The following CREB3L2 variants were observed in gnomAD, a reference collection of about 807,000 sequenced individuals.
The protein encoded by CREB3L2 is cAMP responsive element binding protein 3 like 2.
A neutral mutation model predicts 57.2 loss-of-function variants in CREB3L2; 23 were observed. The observed-to-expected ratio is 0.40, with a 90% CI of 0.29 to 0.57. CREB3L2 has a LOEUF of 0.57. CREB3L2 is among the 20% of genes least tolerant of loss of function. CREB3L2 has a pLI of 0.42. For missense variants in CREB3L2, 628 were observed against 634.7 expected, an observed-to-expected ratio of 0.99 and a Z score of 0.11; for synonymous variants, 268 against 265.1, an observed-to-expected ratio of 1.01 and a Z score of -0.11.
At chr7:137,934,690 GTT>G (rs1800741556) in intron 1 of CREB3L2, among the ~76,000 whole-genome samples, 1 of 152,236 alleles carries the variant, frequency 6.6e-6, no homozygotes, top group Non-Finnish European at 1.5e-5. Context: ...CATGCCAAGA[GTT>G]TGTTAGAAGG....
intron 1 of CREB3L2, among the ~76,000 whole-genome samples, chr7:137,988,014 C>T (rs1178930561): frequency 2.0e-5 from 3 of 152,246 alleles, no homozygotes; most frequent in Non-Finnish European, 2.9e-5. Flanking sequence ...TCTGTGTCTC[C>T]TTCAAAGAGC....
chr7:137,975,391 T>C (rs1021843202), intron 1 of CREB3L2, among the ~76,000 whole-genome samples: 6 of 152,196 alleles, frequency 3.9e-5, no homozygotes, highest in Non-Finnish European at 8.8e-5. Flanking sequence ...GCCTCTGCAA[T>C]CAGTTGGCTG....
In CREB3L2 at chr7:137,928,319, C is replaced by G; in HGVS notation, c.150G>C (p.Gln50His). The G allele has an allele frequency of 6.2e-7, 1 of 1,614,164 alleles. No individual in the cohort carries two copies. The highest frequency in any genetic ancestry group is 1.1e-5 in the South Asian group (1 of 91,068). The part of the protein sequence containing the change: ...LDEFSQNVLG[Q>H]LLNDPFLSEK... ...CTGAGAGGAAAGGATCATTCAGGAG[C>G]TGACCCAAGACGTTCTGGGAAAACT... is the stretch of plus-strand genomic sequence containing the variant. Residue 50 changes from glutamine (Q) to histidine (H), a missense_variant, in exon 2 of 12, where the codon CAG becomes CAC. By Grantham distance (24) the Gln-to-His change is conservative (BLOSUM62 0). Around this residue, in one of 3 missense-constraint regions of CREB3L2, gnomAD observed 339 missense variants for 355.4 expected, o/e 0.95. Coordinates refer to ENST00000330387, the MANE Select transcript of CREB3L2 (RefSeq NM_194071.4).
intron 5 of CREB3L2, among the ~76,000 whole-genome samples, chr7:137,906,572 C>T (rs1364775502): frequency 6.6e-6 from 1 of 152,178 alleles, no homozygotes; most frequent in Non-Finnish European, 1.5e-5. Context: ...TGAACTGATA[C>T]CCATGAAAGG....
chr7:137,953,550 G>C (rs1384695572), intron 1 of CREB3L2: 1 of 1,280,908 alleles, frequency 7.8e-7, no homozygotes, highest in East Asian at 5.6e-5. Context: ...GAGGAGGGGA[G>C]AGTTGGGTGG....
intron 1 of CREB3L2, among the ~76,000 whole-genome samples, chr7:137,990,495 T>C (rs1005045671): frequency 3.3e-5 from 5 of 152,224 alleles, no homozygotes; most frequent in African/African-American, 7.2e-5. Flanking sequence ...AGGTCAAGAA[T>C]GTTTATCCCC....
At chr7:137,904,711 C>T (rs1716665114) in intron 6 of CREB3L2, among the ~76,000 whole-genome samples, 2 of 150,788 alleles carry the variant, frequency 1.3e-5, no homozygotes, top group African/African-American at 4.9e-5. Flanking sequence ...TGGTGGCACA[C>T]GTCTGTGGTT....
intron 2 of CREB3L2, among the ~76,000 whole-genome samples, chr7:137,921,468 T>C (rs1293625362): frequency 6.6e-6 from 1 of 152,158 alleles, no homozygotes; most frequent in Non-Finnish European, 1.5e-5. Context: ...TGCCAAGTTA[T>C]CAAATCATCA....
intron 2 of CREB3L2, among the ~76,000 whole-genome samples, chr7:137,922,388 A>ATATATATATATATATATATATATGTATG (rs1800313747): frequency 3.1e-4 from 6 of 19,414 alleles, no homozygotes; most frequent in Non-Finnish European, 5.4e-4. Flanking sequence ...ATATATGTAT[A>ATATATATATATATATATATATATGTATG]TATATATATA....
chr7:137,952,605 G>T (rs1375103840), intron 1 of CREB3L2, among the ~76,000 whole-genome samples: 1 of 152,156 alleles, frequency 6.6e-6, no homozygotes, highest in Non-Finnish European at 1.5e-5. Context: ...TACAGGGACT[G>T]TCTGTCTTGC....
At position 137,880,596 on chromosome 7, in the gene CREB3L2, T is replaced by C. The variant is rs759090540; in HGVS notation, c.1488-45A>G. The C allele has an allele frequency of 6.9e-6, 10 of 1,439,888 alleles. No homozygotes were observed. Among genetic ancestry groups the C allele is most frequent in the Admixed American group, 1.7e-5 (1 of 59,102 alleles). The allele number at this position is 1,439,888 out of a possible 1,614,324, so 89.2% of individuals were successfully genotyped here. A position where few individuals can be genotyped will look rare whatever the true frequency, so the allele number is the denominator to read the frequency against. ...AAAACGAAGTATTAGTCACCAGCTGTTAGCTACAATTCTCATGCTTTGTAG... is the reference window on the plus strand; with the variant it reads ...AAAACGAAGTATTAGTCACCAGCTGCTAGCTACAATTCTCATGCTTTGTAG... On this transcript the variant is annotated intron_variant, in intron 11 of 11. Coordinates refer to ENST00000330387, the MANE Select transcript of CREB3L2 (RefSeq NM_194071.4). This position sits in a 1 kb window ranked among gnomAD's most constrained non-coding sequence, Gnocchi z 4.0.
chr7:137,929,784 G>A (rs946505494), intron 1 of CREB3L2, among the ~76,000 whole-genome samples: 10 of 150,576 alleles, frequency 6.6e-5, no homozygotes, highest in South Asian at 2.1e-4. Flanking sequence ...CAGGAGAATC[G>A]CTTGAACCTA....
intron 2 of CREB3L2, chr7:137,922,789 A>C (rs551920450): frequency 7.3e-5 from 18 of 245,854 alleles, no homozygotes; most frequent in Middle Eastern, 7.1e-4. Flanking sequence ...AGAAAATTTT[A>C]TAAATTAAAT....
intron 1 of CREB3L2, among the ~76,000 whole-genome samples, chr7:137,954,228 C>T (rs1801162118): frequency 6.6e-6 from 1 of 152,026 alleles, no homozygotes; most frequent in South Asian, 2.1e-4. Flanking sequence ...TCACCGAGAA[C>T]AAAAGTGTAG....
At chr7:137,982,985 G>A (rs1361316379) in intron 1 of CREB3L2, among the ~76,000 whole-genome samples, 1 of 152,206 alleles carries the variant, frequency 6.6e-6, no homozygotes, top group African/African-American at 2.4e-5. Context: ...ACCAGGAACA[G>A]AATTAGCCAG....
chr7:137,953,625 T>C (rs1801145717), intron 1 of CREB3L2: 1 of 817,632 alleles, frequency 1.2e-6, no homozygotes, highest in Non-Finnish European at 1.8e-6. Context: ...AGTCCTTGTT[T>C]CACTTGCATT....
chr7:137,968,059 TA>T (rs1270698593), intron 1 of CREB3L2, among the ~76,000 whole-genome samples: 5 of 152,238 alleles, frequency 3.3e-5, no homozygotes. Flanking sequence ...AGCCAGTCAG[TA>T]AAAGCTTGCT....
intron 10 of CREB3L2, chr7:137,884,598 T>C (rs571596911): frequency 2.8e-5 from 13 of 463,770 alleles, no homozygotes; most frequent in South Asian, 1.3e-4. Context: ...ACTATATACA[T>C]TGCATTACAT....
rs1040630148 is a variant in CREB3L2, at chr7:137,877,090, T to C, written c.*3386A>G. 2 of 228,886 alleles carry C rather than the reference T, an allele frequency of 8.7e-6. No homozygotes were observed. Among genetic ancestry groups the C allele is most frequent in the African/African-American group, 4.4e-5 (2 of 45,118 alleles). The allele number at this position is 228,886 out of a possible 1,614,324, so 14.2% of individuals were successfully genotyped here. On this transcript the variant is annotated 3_prime_UTR_variant, in exon 12 of 12. Coordinates refer to ENST00000330387, the MANE Select transcript of CREB3L2 (RefSeq NM_194071.4). ...ACACTTATGAAAAAATGCTGGACAC[T>C]TGACTCACTGCCAGAACAAAGAAGA...
Sources: gnomAD v4.1 joint callset for allele counts (sites outside exome capture counted in the v4.1 genomes callset) on GRCh38, gnomAD v4.1.1 for gene constraint, gnomAD v4.1.1 regional missense constraint, Gnocchi (gnomAD v3.1) non-coding constraint, MANE v1.5 for transcripts, NCBI Gene and HGNC (gene_info 2026-07-23, HGNC 2026-07-21) for gene names.